Variants in ASAP1 observed in about 807,000 individuals in gnomAD.
ASAP1 encodes the protein arf-GAP with SH3 domain, ANK repeat and PH domain-containing protein 1.
ASAP1 carries 43 observed loss-of-function variants against 145.2 expected under a neutral mutation model. That is an observed-to-expected ratio of 0.30 (90% CI 0.23 to 0.38). The LOEUF is 0.38. ASAP1 is among the 10% of genes least tolerant of loss of function. The pLI, the probability that ASAP1 is intolerant of heterozygous loss-of-function variation, is 1.00. For synonymous variants in ASAP1, 546 were observed against 515.5 expected (o/e 1.06, Z -0.80); for missense variants, 1,018 against 1,355.3 (o/e 0.75, Z 3.91).
chr8:130,332,552 G>C (rs1824761617), intron 3 of ASAP1, among the ~76,000 whole-genome samples: 1 of 152,134 alleles, frequency 6.6e-6, no homozygotes, highest in Non-Finnish European at 1.5e-5. Flanking sequence ...CCCCAAAGTG[G>C]AATTCAACAT....
chr8:130,076,079 G>A (rs1230398570), intron 27 of ASAP1, among the ~76,000 whole-genome samples: 1 of 152,228 alleles, frequency 6.6e-6, no homozygotes, highest in Non-Finnish European at 1.5e-5. Context: ...TATAAGGGGA[G>A]AAAGAATGGT....
intron 15 of ASAP1, among the ~76,000 whole-genome samples, chr8:130,129,675 T>C (rs2097580248): frequency 6.6e-6 from 1 of 152,208 alleles, no homozygotes; most frequent in East Asian, 1.9e-4. Flanking sequence ...GAATAAGCAA[T>C]AGTGACAGCA....
intron 3 of ASAP1, among the ~76,000 whole-genome samples, chr8:130,353,660 G>A (rs1165094759): frequency 2.0e-5 from 3 of 152,118 alleles, no homozygotes; most frequent in Non-Finnish European, 4.4e-5. Context: ...ACTTGAGGTC[G>A]GGAGTTTGAG....
Position 130,349,033 on chromosome 8 carries a change from T to C in ASAP1, c.186+8984A>G, listed in dbSNP as rs566649975. On this transcript the variant is annotated intron_variant, in intron 3 of 29. Coordinates refer to ENST00000518721, the MANE Select transcript of ASAP1 (RefSeq NM_018482.4). The stretch of plus-strand genomic sequence containing the variant: ...ATTATAGCAGTGACACAAGGAAGCA[T>C]GGGCAATGAGGTTGCACTGGTAGAG... 3.6e-4 allele frequency among the ~76,000 whole-genome samples: 55 copies of C among 152,296 alleles called. 1 individual carries two copies. Among genetic ancestry groups the C allele is most frequent in the African/African-American group, 1.2e-3 (51 of 41,576 alleles).
At chr8:130,330,018 C>T (rs6470813) in intron 3 of ASAP1, among the ~76,000 whole-genome samples, 122,730 of 152,208 alleles carry the variant, frequency 0.81, 50,033 homozygotes, top group African/African-American at 0.92. Context: ...CAGGGAGAGA[C>T]AGTTGTAATC....
chr8:130,217,507 T>C (rs1817005877), intron 4 of ASAP1, among the ~76,000 whole-genome samples: 2 of 146,068 alleles, frequency 1.4e-5, no homozygotes, highest in South Asian at 2.3e-4. Flanking sequence ...ATTATATGTG[T>C]ATATATGTGT....
chr8:130,297,381 G>A (rs949124126), intron 3 of ASAP1, among the ~76,000 whole-genome samples: 2 of 152,180 alleles, frequency 1.3e-5, no homozygotes, highest in Non-Finnish European at 2.9e-5. Flanking sequence ...TCCACGTTTG[G>A]CTGAAGAAAA....
chr8:130,099,700 T>TTTTGGG (rs35874860), intron 24 of ASAP1, among the ~76,000 whole-genome samples: 1 of 125,124 alleles, frequency 8.0e-6, no homozygotes, highest in Non-Finnish European at 1.6e-5. Flanking sequence ...TTTTTTTTTT[T>TTTTGGG]GAGACAGAGT....
chr8:130,123,951 G>T, intron 18 of ASAP1, 62 bp downstream of exon 18: 2 of 1,276,054 alleles, frequency 1.6e-6, no homozygotes, highest in Non-Finnish European at 2.2e-6. Context: ...GAAGTTTTTT[G>T]GAAGGGTAGA....
intron 3 of ASAP1, among the ~76,000 whole-genome samples, chr8:130,337,188 TA>T (rs1825090002): frequency 6.6e-6 from 1 of 152,232 alleles, no homozygotes; most frequent in Admixed American, 6.5e-5. Context: ...AAAAATATTT[TA>T]AAAGATGTTC....
At chr8:130,116,772 A>G (rs767087067) in intron 21 of ASAP1, 27 bp from the exon 22 acceptor site, 3 of 1,608,904 alleles carry the variant, frequency 1.9e-6, no homozygotes, top group Non-Finnish European at 2.6e-6. Flanking sequence ...ATTAATTTGC[A>G]TAATTATCTA....
intron 2 of ASAP1, among the ~76,000 whole-genome samples, chr8:130,385,587 G>A (rs552457246): frequency 6.6e-6 from 1 of 152,352 alleles, no homozygotes; most frequent in South Asian, 2.1e-4. Flanking sequence ...CAGGTGGGTA[G>A]GAATCTCAAC....
At chr8:130,150,175 A>G (rs149164726) in intron 13 of ASAP1, among the ~76,000 whole-genome samples, 8 of 152,380 alleles carry the variant, frequency 5.3e-5, no homozygotes, top group African/African-American at 1.9e-4. Flanking sequence ...GTTGGCATTC[A>G]GACTCACATC....
At chr8:130,284,998 C>T (rs183928223) in intron 3 of ASAP1, among the ~76,000 whole-genome samples, 1 of 152,090 alleles carries the variant, frequency 6.6e-6, no homozygotes, top group Non-Finnish European at 1.5e-5. Flanking sequence ...AAAACCTCTC[C>T]CATCCACACC....
Position 130,441,187 on chromosome 8 carries a change from C to T in ASAP1, c.-28+2273G>A, listed in dbSNP as rs7001981. 3.9e-3 allele frequency among the ~76,000 whole-genome samples: 587 copies of T among 152,298 alleles called. 5 individuals are homozygous for T. Among genetic ancestry groups the T allele is most frequent in the African/African-American group, 0.014 (572 of 41,556 alleles). Reference sequence around the variant, plus strand: ...ATTCATCTTTGCAGGACTGGCACCTCCCACAGGGAAGCCACTTAGCAAATG... The same window carrying T: ...ATTCATCTTTGCAGGACTGGCACCTTCCACAGGGAAGCCACTTAGCAAATG... On this transcript the variant is annotated intron_variant, in intron 1 of 29. Coordinates refer to ENST00000518721, the MANE Select transcript of ASAP1 (RefSeq NM_018482.4).
At chr8:130,252,240 TATC>T (rs1327394595) in intron 3 of ASAP1, among the ~76,000 whole-genome samples, 3 of 151,966 alleles carry the variant, frequency 2.0e-5, no homozygotes, top group Admixed American at 6.6e-5. Context: ...TATCATAAAA[TATC>T]ATAATTTAGA....
chr8:130,403,353 G>A (rs1229499699), intron 1 of ASAP1, among the ~76,000 whole-genome samples: 2 of 151,066 alleles, frequency 1.3e-5, no homozygotes, highest in Non-Finnish European at 1.5e-5. Context: ...GTGATATGAA[G>A]AATACAATTT....
At chr8:130,123,495 G>C (rs1479732936) in intron 18 of ASAP1, among the ~76,000 whole-genome samples, 5 of 152,168 alleles carry the variant, frequency 3.3e-5, no homozygotes, top group African/African-American at 1.2e-4. Flanking sequence ...CCTAGGGGAA[G>C]GTGAGGGTGA....
intron 2 of ASAP1, among the ~76,000 whole-genome samples, chr8:130,368,890 T>C (rs1028036345): frequency 1.3e-4 from 20 of 152,228 alleles, no homozygotes; most frequent in Admixed American, 9.2e-4. Flanking sequence ...ACTTCTTTTT[T>C]AGTGTAAGCT....
Sources: gnomAD v4.1 joint callset for allele counts (sites outside exome capture counted in the v4.1 genomes callset) on GRCh38, gnomAD v4.1.1 for gene constraint, MANE v1.5 for transcripts, NCBI Gene and HGNC (gene_info 2026-07-23, HGNC 2026-07-21) for gene names.